Variants in MAPKAPK3 observed in about 807,000 individuals in gnomAD.
MAPKAPK3 encodes MAPK activated protein kinase 3.
A neutral mutation model predicts 49.2 loss-of-function variants in MAPKAPK3; 35 were observed. The ratio of observed to expected loss-of-function variants is 0.71; its 90% CI spans 0.54 to 0.94. MAPKAPK3 has a LOEUF of 0.94. Ranked by LOEUF, MAPKAPK3 falls within the 40% of genes least tolerant of loss-of-function variation. The probability of loss-of-function intolerance (pLI) is 0.00; values close to 1 mark genes in which losing one functional copy is unlikely to be tolerated. For synonymous variants in MAPKAPK3, 178 were observed against 188.7 expected (o/e 0.94, Z 0.46); for missense variants, 398 against 493.1 (o/e 0.81, Z 1.83).
At chr3:50,620,366 G>T (rs897264622) in intron 2 of MAPKAPK3, among the ~76,000 whole-genome samples, 6 of 152,164 alleles carry the variant, frequency 3.9e-5, no homozygotes, top group African/African-American at 1.2e-4. Context: ...ACAGTCGTGG[G>T]CTCTGTGTCT....
At chr3:50,643,979 C>A (rs908736839) in intron 5 of MAPKAPK3, among the ~76,000 whole-genome samples, 5 of 152,186 alleles carry the variant, frequency 3.3e-5, no homozygotes, top group African/African-American at 1.2e-4. Context: ...AGGGCCTTCT[C>A]CCCTGAGCAA....
At chr3:50,633,602 G>T (rs901388379) in intron 2 of MAPKAPK3, among the ~76,000 whole-genome samples, 5 of 152,166 alleles carry the variant, frequency 3.3e-5, no homozygotes, top group Admixed American at 1.3e-4. Context: ...CTCAGGGAGG[G>T]GTTGTCTGGG....
intron 2 of MAPKAPK3, among the ~76,000 whole-genome samples, chr3:50,623,451 C>A (rs540131132): frequency 1.3e-5 from 2 of 152,326 alleles, no homozygotes; most frequent in African/African-American, 4.8e-5. Context: ...AGCCTACTCT[C>A]AGGATCACCT....
chr3:50,613,059 G>A (rs1184273239), upstream of MAPKAPK3: 7 of 152,106 alleles, frequency 4.6e-5, no homozygotes, highest in East Asian at 1.4e-3. Flanking sequence ...TAGGGTCTGT[G>A]AATCTCCTCC....
At chr3:50,635,098 C>A (rs1227864597) in intron 2 of MAPKAPK3, among the ~76,000 whole-genome samples, 3 of 152,252 alleles carry the variant, frequency 2.0e-5, no homozygotes, top group African/African-American at 4.8e-5. Flanking sequence ...TGAGAATAGG[C>A]ATAGAACCTG....
chr3:50,637,974 G>T (rs530544817), intron 2 of MAPKAPK3, among the ~76,000 whole-genome samples: 2 of 152,206 alleles, frequency 1.3e-5, no homozygotes, highest in Non-Finnish European at 2.9e-5. Flanking sequence ...CAAGCCCTGC[G>T]TGCTGGGGGA....
chr3:50,631,173 C>G (rs650473), intron 2 of MAPKAPK3, among the ~76,000 whole-genome samples: 145,348 of 152,330 alleles, frequency 0.95, 69,758 homozygotes, highest in East Asian at 1. Flanking sequence ...GGTTCCATTA[C>G]CTCCTTTAAT....
intron 2 of MAPKAPK3, among the ~76,000 whole-genome samples, chr3:50,635,651 G>A (rs779188028): frequency 5.3e-5 from 8 of 151,420 alleles, no homozygotes; most frequent in East Asian, 3.9e-4. Flanking sequence ...TCCTGATCTC[G>A]TGATACACCT....
intron 2 of MAPKAPK3, among the ~76,000 whole-genome samples, chr3:50,634,891 C>A (rs2032997867): frequency 6.6e-6 from 1 of 152,158 alleles, no homozygotes; most frequent in Admixed American, 6.5e-5. Context: ...ATATGGAGGC[C>A]ATGGGGACCC....
upstream of MAPKAPK3, among the ~76,000 whole-genome samples, chr3:50,613,563 C>T (rs1312185482): frequency 6.6e-6 from 1 of 152,224 alleles, no homozygotes; most frequent in Non-Finnish European, 1.5e-5. Context: ...GAACTGTCCA[C>T]TGTCTCATTA....
upstream of MAPKAPK3, among the ~76,000 whole-genome samples, chr3:50,616,556 C>T (rs931189262): frequency 3.5e-4 from 54 of 152,120 alleles, no homozygotes; most frequent in Non-Finnish European, 3.1e-4. Context: ...ATTTCTGGTC[C>T]CCAGGATGCT....
chr3:50,628,230 T>A (rs1454245412), intron 2 of MAPKAPK3, among the ~76,000 whole-genome samples: 1 of 152,084 alleles, frequency 6.6e-6, no homozygotes, highest in Non-Finnish European at 1.5e-5. Context: ...TCAGCAGGGG[T>A]CACCTAGGCG....
At chr3:50,637,548 C>A (rs1361894213) in intron 2 of MAPKAPK3, among the ~76,000 whole-genome samples, 1 of 151,050 alleles carries the variant, frequency 6.6e-6, no homozygotes, top group African/African-American at 2.4e-5. Context: ...GGCAGAATGA[C>A]GTGAACCCGG....
At chr3:50,639,173 G>C (rs991941279) in intron 2 of MAPKAPK3, among the ~76,000 whole-genome samples, 1 of 152,236 alleles carries the variant, frequency 6.6e-6, no homozygotes, top group African/African-American at 2.4e-5. Flanking sequence ...GATGCACCCT[G>C]TGGGGATGAC....
At chr3:50,614,483 C>G (rs374089682), upstream of MAPKAPK3, among the ~76,000 whole-genome samples, 1 of 149,486 alleles carries the variant, frequency 6.7e-6, no homozygotes, top group African/African-American at 2.5e-5. Flanking sequence ...ACAGCCTCCC[C>G]TCTCCAGTAA....
chr3:50,630,564 G>A (rs967921864), intron 2 of MAPKAPK3, among the ~76,000 whole-genome samples: 12 of 152,248 alleles, frequency 7.9e-5, no homozygotes, highest in African/African-American at 1.9e-4. Context: ...GGTACAGGGC[G>A]GGGCTCCGTG....
intron 2 of MAPKAPK3, among the ~76,000 whole-genome samples, chr3:50,639,900 C>G (rs1285885642): frequency 3.9e-5 from 6 of 152,196 alleles, no homozygotes; most frequent in Non-Finnish European, 8.8e-5. Context: ...CTACTATGTA[C>G]CAGGTGCTAT....
chr3:50,644,658 C>T, intron 6 of MAPKAPK3, 126 bp downstream of exon 6: 1 of 1,018,698 alleles, frequency 9.8e-7, no homozygotes, highest in Non-Finnish European at 1.4e-6. Context: ...AGAATTCTGT[C>T]TGCATGGAGG....
intron 10 of MAPKAPK3, among the ~76,000 whole-genome samples, chr3:50,647,515 G>A (rs766272382): frequency 1.2e-4 from 18 of 152,244 alleles, no homozygotes; most frequent in Non-Finnish European, 2.4e-4. Context: ...CAGAGGCCAC[G>A]TTTGAACATA....
Sources: gnomAD v4.1 joint callset for allele counts (sites outside exome capture counted in the v4.1 genomes callset) on GRCh38, gnomAD v4.1.1 for gene constraint, MANE v1.5 for transcripts, NCBI Gene and HGNC (gene_info 2026-07-23, HGNC 2026-07-21) for gene names.